The following USP31 variants were observed in gnomAD, a reference collection of about 807,000 sequenced individuals.
USP31 encodes ubiquitin carboxyl-terminal hydrolase 31.
Under a neutral mutation model 119.4 loss-of-function variants are expected in USP31, and 44 were observed. The ratio of observed to expected loss-of-function variants is 0.37; its 90% confidence interval spans 0.29 to 0.47. The LOEUF is 0.47. USP31 is among the 20% of genes least tolerant of loss of function. The pLI is 0.99. For missense variants in USP31, 1,643 were observed against 1,730.2 expected, an observed-to-expected ratio of 0.95 and a Z score of 0.89; for synonymous variants, 749 against 705.6, an observed-to-expected ratio of 1.06 and a Z score of -0.97.
chr16:23,068,110 T>C lies in USP31; in HGVS notation c.3995A>G (p.Lys1332Arg). 1 of 1,614,220 alleles carries C rather than the reference T, an allele frequency of 6.2e-7. No homozygotes were observed. Among genetic ancestry groups the C allele is most frequent in the Non-Finnish European group, 8.5e-7 (1 of 1,180,032 alleles). The change falls in exon 16 of 16, where the codon AAA becomes AGA. Residue 1332 changes from lysine to arginine, a missense_variant. Around this residue, in one of 5 missense-constraint regions of USP31, gnomAD observed 699 missense variants for 650.9 expected, o/e 1.07. Coordinates refer to ENST00000219689, the MANE Select transcript of USP31 (RefSeq NM_020718.4). ...GCTAGAAGATAACTTTTTTGAGGATTTCTCTGCAGACTGCCTGCCACCCGG... is the reference window on the plus strand; with the variant it reads ...GCTAGAAGATAACTTTTTTGAGGATCTCTCTGCAGACTGCCTGCCACCCGG... The part of the protein sequence containing the change: ...SSPGGRQSAE[K>R]SSKKLSSSMQ...
At chr16:23,070,128 T>A (rs1379343054) in intron 15 of USP31, among the ~76,000 whole-genome samples, 1 of 152,232 alleles carries the variant, frequency 6.6e-6, no homozygotes, top group Non-Finnish European at 1.5e-5. Flanking sequence ...TTACAAGTCC[T>A]GTGCCCAACA....
intron 11 of USP31, among the ~76,000 whole-genome samples, chr16:23,083,859 T>G (rs575732799): frequency 6.6e-6 from 1 of 152,324 alleles, no homozygotes; most frequent in African/African-American, 2.4e-5. Flanking sequence ...TTAGGACTTC[T>G]GAGTCATAAT....
chr16:23,086,949 C>A, intron 9 of USP31, 143 bp downstream of exon 9: 1 of 613,286 alleles, frequency 1.6e-6, no homozygotes, highest in South Asian at 2.2e-5. Context: ...AAGCACAAAT[C>A]AAAAGTAAAA....
intron 9 of USP31, among the ~76,000 whole-genome samples, chr16:23,086,276 AT>A (rs1901104263): frequency 6.6e-6 from 1 of 152,140 alleles, no homozygotes; most frequent in African/African-American, 2.4e-5. Context: ...GCAGGACCAT[AT>A]TGTATGCTTT....
At chr16:23,143,784 C>G (rs1268235225) in intron 1 of USP31, among the ~76,000 whole-genome samples, 1 of 152,080 alleles carries the variant, frequency 6.6e-6, no homozygotes, top group Non-Finnish European at 1.5e-5. Flanking sequence ...TGACATTTAG[C>G]AGCATCCCTG....
intron 1 of USP31, among the ~76,000 whole-genome samples, chr16:23,119,843 C>T (rs1902610318): frequency 6.6e-6 from 1 of 152,164 alleles, no homozygotes; most frequent in Non-Finnish European, 1.5e-5. Flanking sequence ...ACACCAGAGA[C>T]AAAGATCTGG....
At chr16:23,113,277 T>C (rs1902381809) in intron 1 of USP31, among the ~76,000 whole-genome samples, 2 of 152,190 alleles carry the variant, frequency 1.3e-5, no homozygotes, top group Non-Finnish European at 1.5e-5. Flanking sequence ...AGGTTAAATC[T>C]GGTGCTCAGG....
chr16:23,072,623 T>C (rs1900394990), intron 14 of USP31: 1 of 444,276 alleles, frequency 2.3e-6, no homozygotes, highest in East Asian at 3.4e-5. Context: ...TATACTCTTT[T>C]TCTCTCAGCC....
In USP31 at chr16:23,110,816, T is replaced by C. The variant is rs950255437; in HGVS notation, c.634-2633A>G. On this transcript the variant is annotated intron_variant, in intron 1 of 15. Coordinates refer to ENST00000219689, the MANE Select transcript of USP31 (RefSeq NM_020718.4). Reference sequence around the variant, plus strand: ...ATAACCAGCACTCAAATTTTAGCCATATTATATATGGGAGTAAAGAGAAAT... The same window carrying C: ...ATAACCAGCACTCAAATTTTAGCCACATTATATATGGGAGTAAAGAGAAAT... 7.9e-5 allele frequency among the ~76,000 whole-genome samples: 12 copies of C among 152,248 alleles called. No individual in the cohort carries two copies. In the South Asian group the frequency reaches 8.3e-4, roughly 11 times the overall value.
At chr16:23,108,295 C>A (rs1404294288) in intron 1 of USP31, 112 bp from the exon 2 acceptor site, 20 of 1,425,732 alleles carry the variant, frequency 1.4e-5, no homozygotes, top group East Asian at 1.2e-4. Flanking sequence ...TTAGAGAATA[C>A]TTCCCAGAAG....
rs1490687409 is a variant in USP31 at position 23,063,491 on chromosome 16, GAACAA to G, written c.*4550_*4554del. On this transcript the variant is annotated 3_prime_UTR_variant, in exon 16 of 16. Coordinates refer to ENST00000219689, the MANE Select transcript of USP31 (RefSeq NM_020718.4). The stretch of plus-strand genomic sequence containing the variant: ...TATAGAAAATGGCAGGTTATTTTTA[GAACAA>G]AACACTTTAGGAAAGTCTTCAGGCT... 1.3e-5 allele frequency: 2 copies of G among 152,542 alleles called. No homozygotes were observed. The highest frequency in any genetic ancestry group is 6.5e-5 in the Admixed American group (1 of 15,274). 9.4% of individuals were successfully genotyped at this position (152,542 alleles called of 1,614,324 possible). A position where few individuals can be genotyped will look rare whatever the true frequency, so the allele number is the denominator to read the frequency against.
At chr16:23,074,764 T>A (rs1373782755) in intron 13 of USP31, among the ~76,000 whole-genome samples, 1 of 152,174 alleles carries the variant, frequency 6.6e-6, no homozygotes, top group East Asian at 1.9e-4. Flanking sequence ...ATAAAGAACA[T>A]TCAAGTAGCA....
At position 23,069,334 on chromosome 16, in the gene USP31, T is replaced by C. The variant is rs1900249180; in HGVS notation, c.2771A>G (p.Glu924Gly). Residue 924 changes from glutamate (E) to glycine (G), a missense_variant, in exon 16 of 16, where the codon GAA (glutamate) becomes GGA (glycine). Transcript: ENST00000219689. ...ACGGCGACTATGACTGTCGCTTGGT[T>C]CCTGGTAACTGCTAGAAAGGTTCCG... ...SLRNLSSSYQ[E>G]PSDSHSRREH... is the part of the protein sequence containing the mutation. The C allele has an allele frequency of 3.1e-6, 5 of 1,603,020 alleles. No individual in the cohort carries two copies. Among genetic ancestry groups the C allele is most frequent in the Non-Finnish European group, 4.3e-6 (5 of 1,173,554 alleles).
In USP31 at chr16:23,067,777, G is replaced by A. The variant is rs569228154; in HGVS notation, c.*269C>T. ...AATATGTACAATTGCTAAAGGGACC[G>A]TCCTGGGTATCGTCTACAATTATTC... On this transcript the variant is annotated 3_prime_UTR_variant, in exon 16 of 16. Coordinates refer to ENST00000219689, the MANE Select transcript of USP31 (RefSeq NM_020718.4). The A allele has an allele frequency of 1.2e-4, 43 of 348,032 alleles. No homozygotes were observed. Among genetic ancestry groups the A allele is most frequent in the African/African-American group, 6.6e-4 (31 of 47,158 alleles). 21.6% of individuals were successfully genotyped at this position (348,032 alleles called of 1,614,324 possible).
chr16:23,126,820 G>C (rs1902874471), intron 1 of USP31, among the ~76,000 whole-genome samples: 2 of 152,132 alleles, frequency 1.3e-5, no homozygotes, highest in Non-Finnish European at 1.5e-5. Context: ...AGAAAAGCAA[G>C]AGGAGAAAAT....
chr16:23,126,889 A>T (rs182383406), intron 1 of USP31, among the ~76,000 whole-genome samples: 75 of 149,994 alleles, frequency 5.0e-4, no homozygotes, highest in Middle Eastern at 3.4e-3. Flanking sequence ...ACACCCATAT[A>T]TGAATACACA....
intron 1 of USP31, among the ~76,000 whole-genome samples, chr16:23,117,751 C>CTTTCTTTTT (rs780595234): frequency 1.4e-5 from 2 of 141,598 alleles, no homozygotes; most frequent in African/African-American, 5.1e-5. Flanking sequence ...TTTTCCTTTT[C>CTTTCTTTTT]TTTTTTTTTT....
intron 1 of USP31, among the ~76,000 whole-genome samples, chr16:23,132,869 C>T (rs1186604010): frequency 3.3e-5 from 5 of 152,128 alleles, no homozygotes; most frequent in African/African-American, 1.2e-4. Context: ...GTTTTAAAAC[C>T]TCTACGTTAT....
At position 23,105,498 on chromosome 16, in the gene USP31, C is replaced by G; in HGVS notation, c.1032G>C (p.Gly344=). ...MRIGVAVPLS[G]TVARLREAVS... is the part of the protein sequence containing the mutation. The stretch of plus-strand genomic sequence containing the variant: ...CTGCTTCCCGAAGTCTGGCGACAGT[C>G]CCAGACAGAGGTACGGCCACACCAA... Residue 344 remains glycine (G), a synonymous_variant, in exon 5 of 16, where the codon GGG becomes GGC. Transcript: ENST00000219689. 1 of 1,614,126 alleles carries G rather than the reference C, an allele frequency of 6.2e-7. No individual in the cohort carries two copies. The highest frequency in any genetic ancestry group is 8.5e-7 in the Non-Finnish European group (1 of 1,180,002).
Sources: allele counts gnomAD v4.1 joint callset (sites outside exome capture counted in the v4.1 genomes callset), GRCh38; gene constraint gnomAD v4.1.1; regional missense constraint gnomAD v4.1.1; transcripts MANE v1.5; gene names NCBI Gene and HGNC (gene_info 2026-07-23, HGNC 2026-07-21).